Variants in SLIT2 observed in about 807,000 individuals in gnomAD.
SLIT2 encodes the protein slit homolog 2 protein.
SLIT2 carries 41 observed loss-of-function variants against 185.7 expected under a neutral mutation model. The ratio of observed to expected loss-of-function variants is 0.22; its 90% CI spans 0.17 to 0.29. The LOEUF is 0.29. SLIT2 is among the 10% of genes least tolerant of loss of function. SLIT2 has a pLI of 1.00. For missense variants in SLIT2, 1,571 were observed against 1,909.0 expected, an observed-to-expected ratio of 0.82 and a Z score of 3.30; for synonymous variants, 693 against 680.2, an observed-to-expected ratio of 1.02 and a Z score of -0.29.
intron 20 of SLIT2, among the ~76,000 whole-genome samples, chr4:20,541,956 C>G (rs933474725): frequency 1.3e-5 from 2 of 152,070 alleles, no homozygotes; most frequent in Admixed American, 1.3e-4. Context: ...AATTAACTTA[C>G]AGAAGTTTTA....
At chr4:20,468,595 C>A (rs1714623928) in intron 5 of SLIT2, among the ~76,000 whole-genome samples, 1 of 152,042 alleles carries the variant, frequency 6.6e-6, no homozygotes, top group Non-Finnish European at 1.5e-5. Context: ...CAGTGACAAT[C>A]ATAATATCAA....
intron 4 of SLIT2, among the ~76,000 whole-genome samples, chr4:20,332,456 C>T (rs950337154): frequency 6.6e-6 from 1 of 152,050 alleles, no homozygotes; most frequent in Non-Finnish European, 1.5e-5. Flanking sequence ...CGCCTGTAAT[C>T]CTAGCACTTG....
intron 21 of SLIT2, among the ~76,000 whole-genome samples, chr4:20,544,703 T>C (rs1463455405): frequency 6.6e-6 from 1 of 152,134 alleles, no homozygotes; most frequent in African/African-American, 2.4e-5. Flanking sequence ...AAATTAGTAT[T>C]ATTGGTGGAC....
At chr4:20,450,749 A>G (rs1712380659) in intron 4 of SLIT2, among the ~76,000 whole-genome samples, 1 of 152,202 alleles carries the variant, frequency 6.6e-6, no homozygotes, top group South Asian at 2.1e-4. Flanking sequence ...GTATTTATTC[A>G]TTAGGTGTAT....
chr4:20,474,494 G>T lies in SLIT2; in HGVS notation c.468-6222G>T, dbSNP rs1715888456. 2.0e-5 allele frequency among the ~76,000 whole-genome samples: 3 copies of T among 152,134 alleles called. No individual in the cohort carries two copies. The South Asian group carries it at 6.2e-4, about 32-fold the overall frequency. On this transcript the variant is annotated intron_variant, in intron 5 of 36. Coordinates refer to ENST00000504154, the MANE Select transcript of SLIT2 (RefSeq NM_004787.4). ...ATAATGCATTTTGTCATGTAAAGAT[G>T]TAATCTAACAATATTTCTTCATAAA...
At chr4:20,461,569 G>A (rs1472792897) in intron 4 of SLIT2, among the ~76,000 whole-genome samples, 1 of 152,132 alleles carries the variant, frequency 6.6e-6, no homozygotes, top group African/African-American at 2.4e-5. Context: ...GAGATGGTTG[G>A]GAGACTATTA....
intron 4 of SLIT2, among the ~76,000 whole-genome samples, chr4:20,318,275 A>G (rs965932562): frequency 6.6e-6 from 1 of 152,188 alleles, no homozygotes; most frequent in Admixed American, 6.5e-5. Flanking sequence ...TGCTAATGAT[A>G]ATACTCTACA....
chr4:20,586,074 G>A (rs1449954864), intron 29 of SLIT2, among the ~76,000 whole-genome samples: 2 of 152,246 alleles, frequency 1.3e-5, no homozygotes, highest in East Asian at 1.9e-4. Flanking sequence ...ATTCATCTAA[G>A]GAGCTTGCTA....
chr4:20,524,157 G>T lies in SLIT2; in HGVS notation c.1418G>T (p.Ser473Ile). ...AACAAAAGAATTGGACAGATCAAAA[G>T]CAAGAAATTCCGTTGTTCAGGTAAT... ...LANKRIGQIK[S>I]KKFRCSAKEQ... The change falls in exon 14 of 37, where the codon AGC becomes ATC. Residue 473 changes from serine to isoleucine, a missense_variant. By Grantham distance (142) the Ser-to-Ile change is moderately radical (BLOSUM62 -2). Around this residue, in one of 3 missense-constraint regions of SLIT2, gnomAD observed 1,202 missense variants for 1,416.4 expected, o/e 0.85. Transcript: ENST00000504154. 6.2e-7 allele frequency: 1 copy of T among 1,614,020 alleles called. No individual in the cohort carries two copies.
rs190619108 is a variant in SLIT2 at position 20,586,290 on chromosome 4, T to C, written c.3089-3354T>C. ...GCATAAGCTATGTTATTACTAATCA[T>C]GAGTGAGTAATTAAGCAAAAAATTA... On this transcript the variant is annotated intron_variant, in intron 29 of 36. Coordinates refer to ENST00000504154, the MANE Select transcript of SLIT2 (RefSeq NM_004787.4). Among the ~76,000 whole-genome samples, 10 of 152,348 alleles carry C rather than the reference T, an allele frequency of 6.6e-5. No homozygotes were observed. In the East Asian group the frequency reaches 7.7e-4, roughly 12 times the overall value.
At chr4:20,556,997 A>T (rs1724316024) in intron 26 of SLIT2, among the ~76,000 whole-genome samples, 1 of 152,074 alleles carries the variant, frequency 6.6e-6, no homozygotes. Context: ...CCTAACCTAA[A>T]GCAAGGCCCC....
At chr4:20,512,089 A>G (rs1719807849) in intron 11 of SLIT2, among the ~76,000 whole-genome samples, 2 of 152,172 alleles carry the variant, frequency 1.3e-5, no homozygotes, top group Non-Finnish European at 2.9e-5. Flanking sequence ...TAACCTTTAG[A>G]TCAGATTTAA....
intron 25 of SLIT2, among the ~76,000 whole-genome samples, chr4:20,551,148 T>G (rs971194001): frequency 6.6e-6 from 1 of 152,234 alleles, no homozygotes; most frequent in African/African-American, 2.4e-5. Context: ...TCTACAAATA[T>G]GGCTCTCCAA....
intron 4 of SLIT2, among the ~76,000 whole-genome samples, chr4:20,309,214 G>A (rs962939356): frequency 2.0e-5 from 3 of 151,994 alleles, no homozygotes; most frequent in Non-Finnish European, 4.4e-5. Flanking sequence ...TATTCTTATT[G>A]CAATAAAGTT....
At chr4:20,387,403 CA>C (rs35431648) in intron 4 of SLIT2, among the ~76,000 whole-genome samples, 32,816 of 149,176 alleles carry the variant, frequency 0.22, 3,818 homozygotes, top group Non-Finnish European at 0.28. Flanking sequence ...ATTATGTTCT[CA>C]AAAAAAAACA....
intron 4 of SLIT2, among the ~76,000 whole-genome samples, chr4:20,346,854 A>G (rs770304928): frequency 2.0e-5 from 3 of 152,202 alleles, no homozygotes; most frequent in African/African-American, 4.8e-5. Flanking sequence ...GAAGACCGGA[A>G]GGATCAGCAA....
intron 30 of SLIT2, among the ~76,000 whole-genome samples, chr4:20,590,231 G>T (rs778305211): frequency 6.6e-6 from 1 of 151,994 alleles, no homozygotes; most frequent in African/African-American, 2.4e-5. Context: ...GTACACTAAA[G>T]AAAAATGAAA....
intron 4 of SLIT2, among the ~76,000 whole-genome samples, chr4:20,298,010 A>G (rs1235070320): frequency 6.6e-6 from 1 of 152,100 alleles, no homozygotes; most frequent in Non-Finnish European, 1.5e-5. Context: ...AGACAGTACC[A>G]ATGTTTGCTT....
chr4:20,617,255 AAAGG>A (rs1051488606), intron 35 of SLIT2, 57 bp downstream of exon 35: 5 of 1,485,448 alleles, frequency 3.4e-6, no homozygotes, highest in African/African-American at 2.8e-5. Flanking sequence ...AAGCCAAACC[AAAGG>A]AAGGAAGGAA....
Sources: allele counts gnomAD v4.1 joint callset (sites outside exome capture counted in the v4.1 genomes callset), GRCh38; gene constraint gnomAD v4.1.1; regional missense constraint gnomAD v4.1.1; transcripts MANE v1.5; gene names NCBI Gene and HGNC (gene_info 2026-07-23, HGNC 2026-07-21).